The following KLHL1 variants were observed in gnomAD, a reference collection of about 807,000 sequenced individuals.
KLHL1 encodes kelch-like protein 1.
KLHL1 carries 47 observed loss-of-function variants against 77.7 expected under a neutral mutation model. The observed-to-expected ratio is 0.60, with a 90% CI of 0.48 to 0.77. KLHL1 has a LOEUF of 0.77. Among genes scored for constraint, KLHL1 ranks in the 30% least tolerant of loss-of-function variants. KLHL1 has a pLI of 0.00. For missense variants in KLHL1, 925 were observed against 910.8 expected (o/e 1.02, Z -0.20); for synonymous variants, 360 against 325.2 (o/e 1.11, Z -1.15).
At chr13:69,772,746 G>T (rs1026295385) in intron 7 of KLHL1, among the ~76,000 whole-genome samples, 1 of 152,098 alleles carries the variant, frequency 6.6e-6, no homozygotes, top group Non-Finnish European at 1.5e-5. Context: ...GTTGTTTCTG[G>T]ATGAACAAAG....
chr13:69,702,999 TTTACC>T (rs1875467055), intron 10 of KLHL1, among the ~76,000 whole-genome samples: 1 of 151,666 alleles, frequency 6.6e-6, no homozygotes, highest in Non-Finnish European at 1.5e-5. Context: ...CAAACCTAAG[TTTACC>T]TGACTCCAAA....
chr13:70,093,153 T>C (rs1047938875), intron 1 of KLHL1, among the ~76,000 whole-genome samples: 116 of 152,204 alleles, frequency 7.6e-4, no homozygotes, highest in African/African-American at 2.5e-3. Flanking sequence ...TTGTCTAGAA[T>C]TGAATATCTT....
At chr13:70,054,497 G>C (rs564608248) in intron 1 of KLHL1, among the ~76,000 whole-genome samples, 2 of 151,900 alleles carry the variant, frequency 1.3e-5, no homozygotes, top group Non-Finnish European at 2.9e-5. Context: ...ATTGTTAATG[G>C]ATATTTGTTT....
At chr13:70,074,832 A>G (rs1335334338) in intron 1 of KLHL1, among the ~76,000 whole-genome samples, 1 of 152,064 alleles carries the variant, frequency 6.6e-6, no homozygotes, top group African/African-American at 2.4e-5. Context: ...AAAATAAACA[A>G]ATTTATCACT....
At chr13:69,850,257 G>T (rs1457526131) in intron 5 of KLHL1, among the ~76,000 whole-genome samples, 1 of 151,318 alleles carries the variant, frequency 6.6e-6, no homozygotes, top group African/African-American at 2.4e-5. Flanking sequence ...TGATGATTTA[G>T]GGTACTTAAT....
rs553432387 is a variant in KLHL1 at position 69,956,631 on chromosome 13, G to T, written c.817+4677C>A. On this transcript the variant is annotated intron_variant, in intron 3 of 10. Coordinates refer to ENST00000377844, the MANE Select transcript of KLHL1 (RefSeq NM_020866.3). ...GTAAAGACAATACCAGTCAATTTAA[G>T]TTCTGATGTTCCTATTCCAGTAACA... Among the ~76,000 whole-genome samples, 14 of 151,616 alleles carry T rather than the reference G, an allele frequency of 9.2e-5. No individual in the cohort carries two copies. In the East Asian group the frequency reaches 9.7e-4, roughly 11 times the overall value.
Position 69,702,951 on chromosome 13 carries a change from C to T in KLHL1, c.2188-1190G>A, listed in dbSNP as rs552194850. Among the ~76,000 whole-genome samples the T allele has an allele frequency of 9.2e-5, 14 of 151,780 alleles. No individual in the cohort carries two copies. In the South Asian group the frequency reaches 1.9e-3, roughly 20 times the overall value. On this transcript the variant is annotated intron_variant, in intron 10 of 10. Transcript: ENST00000377844. ...TGAGAGAGATGAGTGAATACAGTATCAGGAGACAATATGTTAATCCCACAG... is the reference window on the plus strand; with the variant it reads ...TGAGAGAGATGAGTGAATACAGTATTAGGAGACAATATGTTAATCCCACAG...
chr13:70,019,094 A>G (rs879921933), intron 1 of KLHL1, among the ~76,000 whole-genome samples: 7 of 152,174 alleles, frequency 4.6e-5, no homozygotes, highest in Non-Finnish European at 7.3e-5. Context: ...CCAAGAAATG[A>G]TGATACTTGA....
At chr13:70,092,351 T>C (rs947810020) in intron 1 of KLHL1, among the ~76,000 whole-genome samples, 1 of 152,174 alleles carries the variant, frequency 6.6e-6, no homozygotes, top group Non-Finnish European at 1.5e-5. Flanking sequence ...CCTATATGAC[T>C]TTGTTCATGT....
At position 69,915,081 on chromosome 13, in the gene KLHL1, C is replaced by T. The variant is rs536498586; in HGVS notation, c.1014+24959G>A. On this transcript the variant is annotated intron_variant, in intron 4 of 10. Transcript: ENST00000377844. Reference sequence around the variant, plus strand: ...GCAAAAATGGTATAACACTGCTCAACGAAATAAAAGAGGATACAAACAAAT... The same window carrying T: ...GCAAAAATGGTATAACACTGCTCAATGAAATAAAAGAGGATACAAACAAAT... Among the ~76,000 whole-genome samples the T allele has an allele frequency of 3.3e-5, 5 of 152,038 alleles. No individual in the cohort carries two copies. The East Asian group carries it at 5.8e-4, about 18-fold the overall frequency.
chr13:69,817,344 C>T (rs1420218497), intron 6 of KLHL1, among the ~76,000 whole-genome samples: 3 of 152,172 alleles, frequency 2.0e-5, no homozygotes, highest in Non-Finnish European at 4.4e-5. Flanking sequence ...TCTTTGCAGA[C>T]ATGTAGTAAA....
chr13:70,070,269 A>G (rs1276686601), intron 1 of KLHL1, among the ~76,000 whole-genome samples: 1 of 152,074 alleles, frequency 6.6e-6, no homozygotes, highest in African/African-American at 2.4e-5. Context: ...CAAATAAGAT[A>G]AACATCAAGA....
intron 7 of KLHL1, among the ~76,000 whole-genome samples, chr13:69,789,727 A>G (rs1312526785): frequency 1.3e-5 from 2 of 152,134 alleles, no homozygotes; most frequent in African/African-American, 4.8e-5. Flanking sequence ...GATGACAATA[A>G]GTTGAGCTAC....
chr13:69,807,076 G>C lies in KLHL1; in HGVS notation c.1415-10114C>G, dbSNP rs563555235. Among the ~76,000 whole-genome samples, 83 of 152,280 alleles carry C rather than the reference G, an allele frequency of 5.5e-4. No individual in the cohort carries two copies. The East Asian group carries it at 0.015, about 27-fold the overall frequency. On this transcript the variant is annotated intron_variant, in intron 6 of 10. Coordinates refer to ENST00000377844, the MANE Select transcript of KLHL1 (RefSeq NM_020866.3). ...CTGGGCCGAGTTTTGCCTTTGGCCT[G>C]AGTTCAGGCTGACATGAGTGCAACT...
chr13:69,871,378 C>T (rs1006236122), intron 5 of KLHL1, among the ~76,000 whole-genome samples: 22 of 152,098 alleles, frequency 1.4e-4, no homozygotes, highest in Admixed American at 4.6e-4. Flanking sequence ...AATTACTTTT[C>T]CCACGATCTT....
At chr13:69,736,340 T>C (rs1311207395) in intron 8 of KLHL1, among the ~76,000 whole-genome samples, 1 of 152,016 alleles carries the variant, frequency 6.6e-6, no homozygotes, top group Admixed American at 6.6e-5. Context: ...ACAATGGATT[T>C]AACCACCTTA....
At chr13:69,740,790 A>G (rs7331630) in intron 7 of KLHL1, among the ~76,000 whole-genome samples, 59,513 of 152,028 alleles carry the variant, frequency 0.39, 12,407 homozygotes, top group African/African-American at 0.52. Flanking sequence ...TTACAATCTC[A>G]TAGAAACTAC....
rs113162248 is a variant in KLHL1 at position 69,907,746 on chromosome 13, T to C, written c.1015-25251A>G. On this transcript the variant is annotated intron_variant, in intron 4 of 10. Coordinates refer to ENST00000377844, the MANE Select transcript of KLHL1 (RefSeq NM_020866.3). The stretch of plus-strand genomic sequence containing the variant: ...CATTGGATCTTGATATCACAGAGAA[T>C]GGGAAACCAATTCACAGAATTCTCA... Among the ~76,000 whole-genome samples, 80 of 152,088 alleles carry C rather than the reference T, an allele frequency of 5.3e-4. 1 individual carries two copies. The highest frequency in any genetic ancestry group is 1.8e-3 in the African/African-American group (75 of 41,532).
At chr13:69,940,954 G>A (rs1256273576) in intron 3 of KLHL1, among the ~76,000 whole-genome samples, 2 of 151,702 alleles carry the variant, frequency 1.3e-5, no homozygotes, top group Non-Finnish European at 2.9e-5. Flanking sequence ...ATTTTAATTA[G>A]TAATTCAATG....
Sources: allele counts gnomAD v4.1 joint callset (sites outside exome capture counted in the v4.1 genomes callset), GRCh38; gene constraint gnomAD v4.1.1; transcripts MANE v1.5; gene names NCBI Gene and HGNC (gene_info 2026-07-23, HGNC 2026-07-21).